The following GLRX3 variants were observed in gnomAD, a reference collection of about 807,000 sequenced individuals.
GLRX3 encodes glutaredoxin 3.
GLRX3 carries 22 observed loss-of-function variants against 49.5 expected under a neutral mutation model. That is an observed-to-expected ratio of 0.44 (90% confidence interval 0.32 to 0.63). The LOEUF is 0.63. Ranked by LOEUF, GLRX3 falls within the 30% of genes least tolerant of loss-of-function variation. The probability of loss-of-function intolerance (pLI) is 0.05; values close to 1 mark genes in which losing one functional copy is unlikely to be tolerated. For missense variants in GLRX3, 385 were observed against 396.3 expected (o/e 0.97, Z 0.24); for synonymous variants, 133 against 140.0 (o/e 0.95, Z 0.35).
chr10:130,178,312 A>G (rs4751173), intron 10 of GLRX3, among the ~76,000 whole-genome samples: 39,798 of 151,866 alleles, frequency 0.26, 5,258 homozygotes, highest in South Asian at 0.35. Flanking sequence ...CAGTGGTGCA[A>G]TCTTGGCTCT....
At chr10:130,166,194 CA>C (rs35591938) in intron 4 of GLRX3, among the ~76,000 whole-genome samples, 1 of 151,018 alleles carries the variant, frequency 6.6e-6, no homozygotes, top group Non-Finnish European at 1.5e-5. Context: ...TCTCCTGTGA[CA>C]AAAAATGTCC....
chr10:130,153,798 G>C (rs1257917659), intron 2 of GLRX3, among the ~76,000 whole-genome samples: 1 of 152,176 alleles, frequency 6.6e-6, no homozygotes, highest in East Asian at 1.9e-4. Context: ...ATCGGATCTT[G>C]AATGCCATGC....
intron 7 of GLRX3, 115 bp downstream of exon 7, chr10:130,169,605 G>A (rs1862765161): frequency 1.4e-6 from 1 of 715,458 alleles, no homozygotes. Context: ...GCGATATCAG[G>A]AAGTTATCCA....
chr10:130,155,943 CTG>C (rs1032130852), intron 2 of GLRX3, among the ~76,000 whole-genome samples: 1 of 152,122 alleles, frequency 6.6e-6, no homozygotes, highest in African/African-American at 2.4e-5. Flanking sequence ...GTTGTGGTCA[CTG>C]TTACTGAAGG....
chr10:130,150,809 A>G (rs1370529727), intron 2 of GLRX3, among the ~76,000 whole-genome samples: 1 of 152,232 alleles, frequency 6.6e-6, no homozygotes, highest in Non-Finnish European at 1.5e-5. Flanking sequence ...AGTGGAATTA[A>G]AATTTTTCAG....
At chr10:130,172,390 G>A (rs535648428) in intron 8 of GLRX3, among the ~76,000 whole-genome samples, 1 of 152,184 alleles carries the variant, frequency 6.6e-6, no homozygotes, top group African/African-American at 2.4e-5. Context: ...GTGCTCAGTG[G>A]TGAAGCTGTC....
chr10:130,168,238 A>C (rs1254127697), intron 6 of GLRX3, among the ~76,000 whole-genome samples: 1 of 152,118 alleles, frequency 6.6e-6, no homozygotes, highest in African/African-American at 2.4e-5. Context: ...TGGACTTGTG[A>C]CATGTATTTT....
intron 8 of GLRX3, among the ~76,000 whole-genome samples, chr10:130,173,564 A>G (rs1862856264): frequency 6.6e-6 from 1 of 152,318 alleles, no homozygotes; most frequent in African/African-American, 2.4e-5. Context: ...TTTGAAAGGT[A>G]CCCTTTATGA....
intron 8 of GLRX3, among the ~76,000 whole-genome samples, chr10:130,172,652 G>C (rs1402403980): frequency 6.6e-6 from 1 of 152,144 alleles, no homozygotes; most frequent in Non-Finnish European, 1.5e-5. Flanking sequence ...GACATAAAAA[G>C]AATATAGGGC....
chr10:130,163,956 ATGTT>A (rs1458558711), intron 4 of GLRX3, among the ~76,000 whole-genome samples: 1 of 152,158 alleles, frequency 6.6e-6, no homozygotes, highest in Non-Finnish European at 1.5e-5. Flanking sequence ...GAGTATTTTG[ATGTT>A]TGTTTTTTGA....
chr10:130,168,682 C>G (rs1486081226), intron 6 of GLRX3, among the ~76,000 whole-genome samples: 1 of 152,106 alleles, frequency 6.6e-6, no homozygotes, highest in East Asian at 1.9e-4. Flanking sequence ...CTCCTGACCT[C>G]GTGATCCACC....
intron 4 of GLRX3, among the ~76,000 whole-genome samples, chr10:130,165,891 G>A (rs777608941): frequency 2.6e-5 from 4 of 152,236 alleles, no homozygotes; most frequent in Non-Finnish European, 5.9e-5. Flanking sequence ...AGAGCATCAG[G>A]TCAGTCTCCT....
At chr10:130,170,777 C>T (rs1307445028) in intron 7 of GLRX3, among the ~76,000 whole-genome samples, 3 of 151,948 alleles carry the variant, frequency 2.0e-5, no homozygotes, top group Non-Finnish European at 4.4e-5. Context: ...ATTTGGAGTC[C>T]TGTGGCATGA....
At chr10:130,152,570 AGTTTG>A (rs1471059368) in intron 2 of GLRX3, among the ~76,000 whole-genome samples, 3 of 152,156 alleles carry the variant, frequency 2.0e-5, no homozygotes, top group Non-Finnish European at 4.4e-5. Context: ...TATGAAGCTT[AGTTTG>A]GCTGGATATG....
chr10:130,166,593 C>A lies in GLRX3; in HGVS notation c.565C>A (p.Gln189Lys). 2 of 1,609,090 alleles carry A rather than the reference C, an allele frequency of 1.2e-6. No homozygotes were observed. Among genetic ancestry groups the A allele is most frequent in the Non-Finnish European group, 1.7e-6 (2 of 1,175,430 alleles). Reference protein sequence around the residue: ...FDIFSDEEVRQGLKAYSSWPT... With the variant: ...FDIFSDEEVRKGLKAYSSWPT... ...TATCTTCTCAGATGAAGAGGTTCGACAGGGACTCAAAGCCTATTCCAGTTG... is the reference window on the plus strand; with the variant it reads ...TATCTTCTCAGATGAAGAGGTTCGAAAGGGACTCAAAGCCTATTCCAGTTG... Residue 189 changes from glutamine to lysine, a missense_variant, in exon 5 of 11, where the codon CAG (glutamine) becomes AAG (lysine). Coordinates refer to ENST00000331244, the MANE Select transcript of GLRX3 (RefSeq NM_006541.5).
chr10:130,178,790 C>A (rs921691048), intron 10 of GLRX3, among the ~76,000 whole-genome samples: 1 of 152,116 alleles, frequency 6.6e-6, no homozygotes, highest in African/African-American at 2.4e-5. Flanking sequence ...ACAATCTCCA[C>A]CTCCCGGGTT....
intron 1 of GLRX3, among the ~76,000 whole-genome samples, chr10:130,137,298 G>A (rs535580406): frequency 6.6e-6 from 1 of 152,208 alleles, no homozygotes. Context: ...TGGACTAGAA[G>A]CTCTGAACTG....
intron 10 of GLRX3, among the ~76,000 whole-genome samples, chr10:130,176,329 A>G (rs1862919396): frequency 6.6e-6 from 1 of 152,124 alleles, no homozygotes; most frequent in Non-Finnish European, 1.5e-5. Flanking sequence ...CATGTTGGCC[A>G]GGCTGGTCTT....
chr10:130,153,952 T>G (rs1014758196), intron 2 of GLRX3, among the ~76,000 whole-genome samples: 2 of 152,040 alleles, frequency 1.3e-5, no homozygotes, highest in African/African-American at 2.4e-5. Context: ...CTTCACCCAG[T>G]TTGAGCTTCC....
Sources: gnomAD v4.1 joint callset for allele counts (sites outside exome capture counted in the v4.1 genomes callset) on GRCh38, gnomAD v4.1.1 for gene constraint, MANE v1.5 for transcripts, NCBI Gene and HGNC (gene_info 2026-07-23, HGNC 2026-07-21) for gene names.